Variants in UGT1A1 observed in about 807,000 individuals in gnomAD.
The protein encoded by UGT1A1 is UDP glucuronosyltransferase family 1 member A1.
Under a neutral mutation model 40.6 loss-of-function variants are expected in UGT1A1, and 33 were observed. The observed-to-expected ratio is 0.81, with a 90% CI of 0.62 to 1.09. UGT1A1 has a LOEUF of 1.09. UGT1A1 is among the 50% of genes least tolerant of loss of function. The probability of loss-of-function intolerance (pLI) is 0.00; values close to 1 mark genes in which losing one functional copy is unlikely to be tolerated. For synonymous variants in UGT1A1, 249 were observed against 265.0 expected, an observed-to-expected ratio of 0.94 and a Z score of 0.59; for missense variants, 694 against 671.2, an observed-to-expected ratio of 1.03 and a Z score of -0.38.
chr2:233,772,383 C>T lies in UGT1A1; in HGVS notation c.1426C>T (p.Pro476Ser). The T allele has an allele frequency of 1.2e-6, 2 of 1,614,238 alleles. No individual in the cohort carries two copies. The highest frequency in any genetic ancestry group is 1.3e-5 in the African/African-American group (1 of 75,068). The change falls in exon 5 of 5, where the codon CCC becomes TCC. Residue 476 changes from proline (P) to serine (S), a missense_variant. Transcript: ENST00000305208. ...MRHKGAPHLR[P>S]AAHDLTWYQY... Reference sequence around the variant, plus strand: ...GCACAAGGGCGCGCCACACCTGCGCCCCGCAGCCCACGACCTCACCTGGTA... The same window carrying T: ...GCACAAGGGCGCGCCACACCTGCGCTCCGCAGCCCACGACCTCACCTGGTA...
intron 1 of UGT1A1, among the ~76,000 whole-genome samples, chr2:233,764,826 T>G (rs932278016): frequency 5.9e-5 from 9 of 151,744 alleles, no homozygotes; most frequent in African/African-American, 2.2e-4. Flanking sequence ...TGCAGCATGG[T>G]GGTGGGGAGG....
chr2:233,761,189 T>C (rs763009411), intron 1 of UGT1A1, 38 bp downstream of exon 1: 1 of 1,614,202 alleles, frequency 6.2e-7, no homozygotes, highest in South Asian at 1.1e-5. Context: ...GCGTATATTC[T>C]TTCAGATGTA....
intron 4 of UGT1A1, 140 bp from the exon 5 acceptor site, chr2:233,772,122 C>T (rs749512514): frequency 2.9e-5 from 45 of 1,536,534 alleles, no homozygotes; most frequent in Non-Finnish European, 3.9e-5. Flanking sequence ...CTAAAAACAA[C>T]AACAACAACA....
In UGT1A1 at chr2:233,769,855, CT is replaced by C; in HGVS notation, c.1304+1417del. 1 of 372,068 alleles carries C rather than the reference CT, an allele frequency of 2.7e-6. No individual in the cohort carries two copies. Among genetic ancestry groups the C allele is most frequent in the Non-Finnish European group, 4.4e-6 (1 of 226,688 alleles). The allele number at this position is 372,068 out of a possible 1,614,324, so 23.0% of individuals were successfully genotyped here. A position where few individuals can be genotyped will look rare whatever the true frequency, so the allele number is the denominator to read the frequency against. On this transcript the variant is annotated intron_variant, in intron 4 of 4. Coordinates refer to ENST00000305208, the MANE Select transcript of UGT1A1 (RefSeq NM_000463.3). This position sits in a 1 kb window ranked among gnomAD's most constrained non-coding sequence, Gnocchi z 4.4. ...CCTGGGCAACAGAGTGAGACCCTGT[CT>C]CAAAAAAAAAAAAAAAAATGAAAAG... is the stretch of plus-strand genomic sequence containing the variant.
At position 233,769,564 on chromosome 2, in the gene UGT1A1, A is replaced by G; in HGVS notation, c.1304+1125A>G. 2 of 1,612,876 alleles carry G rather than the reference A, an allele frequency of 1.2e-6. No homozygotes were observed. Among genetic ancestry groups the G allele is most frequent in the Non-Finnish European group, 1.7e-6 (2 of 1,179,838 alleles). Reference sequence around the variant, plus strand: ...AGCAGTCAGGAAGACAGATGTGAAGAGCTGGAGCATGTTCAGATGAGAGGA... The same window carrying G: ...AGCAGTCAGGAAGACAGATGTGAAGGGCTGGAGCATGTTCAGATGAGAGGA... On this transcript the variant is annotated intron_variant, in intron 4 of 4. Transcript: ENST00000305208. The surrounding 1 kb of genome is among the most constrained non-coding windows in gnomAD (Gnocchi z 4.4).
rs780016114 is a variant in UGT1A1, at chr2:233,760,397, G to T, written c.110G>T (p.Gly37Val). 2.0e-5 allele frequency: 33 copies of T among 1,614,006 alleles called. No homozygotes were observed. The highest frequency in any genetic ancestry group is 2.7e-5 in the Non-Finnish European group (32 of 1,180,022). ...AGKILLIPVD[G>V]SHWLSMLGAI... The stretch of plus-strand genomic sequence containing the variant: ...AAGATACTGTTGATCCCAGTGGATG[G>T]CAGCCACTGGCTGAGCATGCTTGGG... The change falls in exon 1 of 5, where the codon GGC (glycine) becomes GTC (valine). Residue 37 changes from glycine (G) to valine (V), a missense_variant. Gly to Val is a moderately radical substitution (Grantham distance 109, BLOSUM62 -3). Coordinates refer to ENST00000305208, the MANE Select transcript of UGT1A1 (RefSeq NM_000463.3).
At chr2:233,761,999 A>C (rs1449541079) in intron 1 of UGT1A1, among the ~76,000 whole-genome samples, 1 of 152,130 alleles carries the variant, frequency 6.6e-6, no homozygotes, top group Non-Finnish European at 1.5e-5. Flanking sequence ...TATTTCCACT[A>C]TACCTCCAAT....
In UGT1A1 at chr2:233,760,405, T is replaced by C. The variant is rs1183811071; in HGVS notation, c.118T>C (p.Trp40Arg). Residue 40 changes from tryptophan to arginine, a missense_variant, in exon 1 of 5, where the codon TGG becomes CGG. Transcript: ENST00000305208. Reference sequence around the variant, plus strand: ...GTTGATCCCAGTGGATGGCAGCCACTGGCTGAGCATGCTTGGGGCCATCCA... The same window carrying C: ...GTTGATCCCAGTGGATGGCAGCCACCGGCTGAGCATGCTTGGGGCCATCCA... ...ILLIPVDGSH[W>R]LSMLGAIQQL... 1.5e-5 allele frequency: 24 copies of C among 1,614,126 alleles called. No homozygotes were observed. Among genetic ancestry groups the C allele is most frequent in the Non-Finnish European group, 1.9e-5 (22 of 1,180,052 alleles).
rs6742078 is a variant in UGT1A1, at chr2:233,763,993, G to T, written c.864+2842G>T. ...TGTGGGTTACTGGGAATGCGTGATG[G>T]TGAAGTCACAGATGACCCACATGGT... On this transcript the variant is annotated intron_variant, in intron 1 of 4. Transcript: ENST00000305208. 0.36 allele frequency among the ~76,000 whole-genome samples: 54,149 copies of T among 152,126 alleles called. 9,972 individuals carry two copies. Among genetic ancestry groups the T allele is most frequent in the African/African-American group, 0.43 (17,876 of 41,508 alleles).
chr2:233,770,762 T>G (rs745553589), intron 4 of UGT1A1: 1 of 152,220 alleles, frequency 6.6e-6, no homozygotes, highest in Non-Finnish European at 1.5e-5. Flanking sequence ...AATATTACAT[T>G]ATAATAATGT....
At position 233,760,443 on chromosome 2, in the gene UGT1A1, G is replaced by C. The variant is rs773136953; in HGVS notation, c.156G>C (p.Gln52His). 1 of 1,614,250 alleles carries C rather than the reference G, an allele frequency of 6.2e-7. No homozygotes were observed. Among genetic ancestry groups the C allele is most frequent in the South Asian group, 1.1e-5 (1 of 91,092 alleles). Reference protein sequence around the residue: ...SMLGAIQQLQQRGHEIVVLAP... With the variant: ...SMLGAIQQLQHRGHEIVVLAP... ...TTGGGGCCATCCAGCAGCTGCAGCAGAGGGGACATGAAATAGTTGTCCTAG... is the reference window on the plus strand; with the variant it reads ...TTGGGGCCATCCAGCAGCTGCAGCACAGGGGACATGAAATAGTTGTCCTAG... Residue 52 changes from glutamine (Q) to histidine (H), a missense_variant, in exon 1 of 5, where the codon CAG becomes CAC. Transcript: ENST00000305208.
chr2:233,760,770 C>T lies in UGT1A1; in HGVS notation c.483C>T (p.Ala161=). ...TCCTTCCTTGCAGCCCCATCGTGGC[C>T]CAGTACCTGTCTCTGCCCACTGTAT... ...DPFLPCSPIV[A]QYLSLPTVFF... The change falls in exon 1 of 5, where the codon GCC becomes GCT. Residue 161 remains alanine, a synonymous_variant. Coordinates refer to ENST00000305208, the MANE Select transcript of UGT1A1 (RefSeq NM_000463.3). 1.2e-6 allele frequency: 2 copies of T among 1,614,054 alleles called. No homozygotes were observed. Among genetic ancestry groups the T allele is most frequent in the Non-Finnish European group, 1.7e-6 (2 of 1,179,944 alleles).
chr2:233,767,888 G>A lies in UGT1A1; in HGVS notation c.1036G>A (p.Ala346Thr), dbSNP rs771899094. 2 of 1,614,028 alleles carry A rather than the reference G, an allele frequency of 1.2e-6. No individual in the cohort carries two copies. The highest frequency in any genetic ancestry group is 3.3e-5 in the Admixed American group (2 of 60,002). The stretch of plus-strand genomic sequence containing the variant: ...CACTGGAACCCGACCATCGAATCTT[G>A]CGAACAACACGATACTTGTTAAGTG... ...RYTGTRPSNL[A>T]NNTILVKWLP... Residue 346 changes from alanine to threonine, a missense_variant, in exon 3 of 5, where the codon GCG becomes ACG. By Grantham distance (58) the Ala-to-Thr change is moderately conservative. Transcript: ENST00000305208.
At position 233,765,866 on chromosome 2, in the gene UGT1A1, G is replaced by A. The variant is rs1008092006; in HGVS notation, c.865-1168G>A. On this transcript the variant is annotated intron_variant, in intron 1 of 4. Transcript: ENST00000305208. ...TCCCCCTCACAGAGCATGTGACAGCGGGAGGGGCTCACTTTCTCAGTGCGC... is the reference window on the plus strand; with the variant it reads ...TCCCCCTCACAGAGCATGTGACAGCAGGAGGGGCTCACTTTCTCAGTGCGC... Among the ~76,000 whole-genome samples the A allele has an allele frequency of 3.3e-5, 5 of 152,054 alleles. No homozygotes were observed. The East Asian group carries it at 5.8e-4, about 18-fold the overall frequency.
intron 4 of UGT1A1, among the ~76,000 whole-genome samples, chr2:233,771,772 C>T (rs536423324): frequency 2.8e-4 from 43 of 152,144 alleles, no homozygotes; most frequent in African/African-American, 1.0e-3. Flanking sequence ...CCGTCCCTCT[C>T]TCCTTTCCTC....
chr2:233,761,943 G>A (rs542276464), intron 1 of UGT1A1, among the ~76,000 whole-genome samples: 197 of 152,320 alleles, frequency 1.3e-3, no homozygotes, highest in Non-Finnish European at 2.4e-3. Context: ...CAGGTGCTGC[G>A]TCTGGCTCCC....
rs200412341 is a variant in UGT1A1 at position 233,760,665 on chromosome 2, C to T, written c.378C>T (p.Gly126=). The T allele has an allele frequency of 2.6e-5, 42 of 1,614,226 alleles. No individual in the cohort carries two copies. The East Asian group carries it at 8.9e-4, about 34-fold the overall frequency. Residue 126 remains glycine (G), a synonymous_variant, in exon 1 of 5, where the codon GGC becomes GGT. Transcript: ENST00000305208. ...IKKDSAMLLS[G]CSHLLHNKEL... is the part of the protein sequence containing the mutation. ...AGGACTCTGCTATGCTTTTGTCTGG[C>T]TGTTCCCACTTACTGCACAACAAGG...
chr2:233,772,803 T>C lies in UGT1A1; in HGVS notation c.*244T>C. On this transcript the variant is annotated 3_prime_UTR_variant, in exon 5 of 5. Transcript: ENST00000305208. The stretch of plus-strand genomic sequence containing the variant: ...TTGATCAGGATGACATGTGCCATTT[T>C]TCAGAGGACGTGCAGACAGGCTGGC... 8.8e-7 allele frequency: 1 copy of C among 1,134,554 alleles called. No homozygotes were observed. Among genetic ancestry groups the C allele is most frequent in the Non-Finnish European group, 1.2e-6 (1 of 843,778 alleles). The allele number at this position is 1,134,554 out of a possible 1,614,324, so 70.3% of individuals were successfully genotyped here.
chr2:233,768,502 A>G (rs1225934667), intron 4 of UGT1A1, 63 bp downstream of exon 4: 30 of 1,567,296 alleles, frequency 1.9e-5, no homozygotes, highest in Non-Finnish European at 2.6e-5. Flanking sequence ...TGTTTCAAAT[A>G]TGAAAACATT....
Sources: gnomAD v4.1 joint callset for allele counts (sites outside exome capture counted in the v4.1 genomes callset) on GRCh38, gnomAD v4.1.1 for gene constraint, Gnocchi (gnomAD v3.1) non-coding constraint, MANE v1.5 for transcripts, NCBI Gene and HGNC (gene_info 2026-07-23, HGNC 2026-07-21) for gene names.